MACROD2: variants seen among roughly 807,000 people sequenced by gnomAD.
MACROD2 encodes the protein mono-ADP ribosylhydrolase 2.
MACROD2 carries 36 observed loss-of-function variants against 70.4 expected under a neutral mutation model. The ratio of observed to expected loss-of-function variants is 0.51; its 90% CI spans 0.39 to 0.68. MACROD2 has a LOEUF of 0.68. MACROD2 is among the 30% of genes least tolerant of loss of function. The pLI, the probability that MACROD2 is intolerant of heterozygous loss-of-function variation, is 0.00. For synonymous variants in MACROD2, 172 were observed against 178.8 expected, an observed-to-expected ratio of 0.96 and a Z score of 0.30; for missense variants, 496 against 538.4, an observed-to-expected ratio of 0.92 and a Z score of 0.78.
At chr20:15,671,837 G>T (rs1476578554) in intron 8 of MACROD2, among the ~76,000 whole-genome samples, 1 of 152,212 alleles carries the variant, frequency 6.6e-6, no homozygotes, top group Non-Finnish European at 1.5e-5. Flanking sequence ...CTGAAAATTT[G>T]CAGCCACTGC....
chr20:14,389,452 C>T (rs2083504722), intron 3 of MACROD2, among the ~76,000 whole-genome samples: 1 of 138,884 alleles, frequency 7.2e-6, no homozygotes, highest in South Asian at 2.5e-4. Context: ...GACATAGGGT[C>T]TCCGTCAATT....
intron 5 of MACROD2, among the ~76,000 whole-genome samples, chr20:14,772,641 A>G (rs535992359): frequency 4.6e-5 from 7 of 152,180 alleles, no homozygotes; most frequent in African/African-American, 1.7e-4. Flanking sequence ...TGGGAGCTAC[A>G]AGATGAGATT....
intron 3 of MACROD2, among the ~76,000 whole-genome samples, chr20:14,337,838 C>G (rs531768186): frequency 6.6e-6 from 1 of 152,242 alleles, no homozygotes; most frequent in South Asian, 2.1e-4. Flanking sequence ...CCTTTGGAAT[C>G]TCAACATTTT....
At chr20:15,497,059 G>A (rs2327955) in intron 7 of MACROD2, among the ~76,000 whole-genome samples, 66,554 of 152,010 alleles carry the variant, frequency 0.44, 14,994 homozygotes, top group Middle Eastern at 0.5. Flanking sequence ...ACCAACAGGG[G>A]AGTCCGTCAA....
intron 3 of MACROD2, among the ~76,000 whole-genome samples, chr20:14,137,984 C>G (rs999850016): frequency 6.6e-6 from 1 of 152,124 alleles, no homozygotes; most frequent in African/African-American, 2.4e-5. Flanking sequence ...AGGACACATA[C>G]AGATGGCCAG....
intron 8 of MACROD2, among the ~76,000 whole-genome samples, chr20:15,631,547 T>G (rs1362741008): frequency 1.3e-5 from 2 of 152,272 alleles, no homozygotes; most frequent in East Asian, 3.9e-4. Context: ...AGTGAAGCAT[T>G]TGGTAGGAAC....
intron 12 of MACROD2, among the ~76,000 whole-genome samples, chr20:15,965,907 C>T (rs925891388): frequency 1.3e-5 from 2 of 152,148 alleles, no homozygotes; most frequent in Non-Finnish European, 2.9e-5. Context: ...GATAATTAAA[C>T]ATTTGCCTTG....
chr20:14,608,857 A>G (rs1982981100), intron 4 of MACROD2, among the ~76,000 whole-genome samples: 1 of 152,146 alleles, frequency 6.6e-6, no homozygotes, highest in Non-Finnish European at 1.5e-5. Context: ...CTAAGGAGGT[A>G]GGATTAGAGC....
chr20:16,024,921 T>C (rs1008306602), intron 15 of MACROD2, among the ~76,000 whole-genome samples: 4 of 152,200 alleles, frequency 2.6e-5, no homozygotes, highest in African/African-American at 9.7e-5. Context: ...AGGTTTTTAT[T>C]TGCAGACTGG....
At chr20:15,379,518 T>C (rs1379804838) in intron 6 of MACROD2, among the ~76,000 whole-genome samples, 1 of 152,030 alleles carries the variant, frequency 6.6e-6, no homozygotes, top group African/African-American at 2.4e-5. Flanking sequence ...GCTGTCCACA[T>C]TTCAGCAAAT....
chr20:15,060,403 G>A lies in MACROD2; in HGVS notation c.419-169537G>A, dbSNP rs766417158. 5.3e-5 allele frequency among the ~76,000 whole-genome samples: 8 copies of A among 152,212 alleles called. No homozygotes were observed. In the South Asian group the frequency reaches 6.2e-4, roughly 12 times the overall value. ...GCTCTTCTTTCTACCTGCTTTCCCC[G>A]TTTACCAAGCACGGCCCAAGACCCA... On this transcript the variant is annotated intron_variant, in intron 5 of 17. Coordinates refer to ENST00000684519, the MANE Select transcript of MACROD2 (RefSeq NM_001351661.2).
At chr20:15,229,618 G>C (rs1016277503) in intron 5 of MACROD2, among the ~76,000 whole-genome samples, 1 of 152,098 alleles carries the variant, frequency 6.6e-6, no homozygotes, top group Non-Finnish European at 1.5e-5. Flanking sequence ...TTCCCGCCAA[G>C]GATTTGTCTT....
chr20:15,357,510 T>A (rs1478207831), intron 6 of MACROD2, among the ~76,000 whole-genome samples: 1 of 152,098 alleles, frequency 6.6e-6, no homozygotes, highest in Non-Finnish European at 1.5e-5. Context: ...TATGAGATAT[T>A]AACAGTATTT....
intron 3 of MACROD2, among the ~76,000 whole-genome samples, chr20:14,459,904 T>C (rs1347528652): frequency 1.3e-5 from 2 of 152,012 alleles, no homozygotes; most frequent in Non-Finnish European, 2.9e-5. Context: ...GGCCCTGGTG[T>C]TTGATGTTCC....
intron 3 of MACROD2, among the ~76,000 whole-genome samples, chr20:14,225,621 A>G (rs910017716): frequency 6.6e-6 from 1 of 152,210 alleles, no homozygotes; most frequent in African/African-American, 2.4e-5. Flanking sequence ...ATGCCAATCA[A>G]GTCGCAAGTG....
chr20:15,518,087 G>T (rs573079210), intron 8 of MACROD2, among the ~76,000 whole-genome samples: 1 of 152,358 alleles, frequency 6.6e-6, no homozygotes, highest in South Asian at 2.1e-4. Flanking sequence ...ATACAATTTT[G>T]GGTGCCCAAA....
intron 8 of MACROD2, among the ~76,000 whole-genome samples, chr20:15,759,959 G>A (rs1178175211): frequency 1.3e-5 from 2 of 152,138 alleles, no homozygotes; most frequent in East Asian, 1.9e-4. Flanking sequence ...TTTTTGCCGC[G>A]TAAAGCTTCA....
At chr20:15,022,647 C>T (rs138853976) in intron 5 of MACROD2, among the ~76,000 whole-genome samples, 32 of 152,268 alleles carry the variant, frequency 2.1e-4, no homozygotes, top group African/African-American at 7.7e-4. Context: ...GACAAGATGA[C>T]CTGGTTGTCC....
chr20:14,673,096 T>C (rs183289566), intron 4 of MACROD2, among the ~76,000 whole-genome samples: 32 of 152,336 alleles, frequency 2.1e-4, no homozygotes, highest in African/African-American at 6.7e-4. Flanking sequence ...TACTTGTCAT[T>C]GAGTTCAGTT....
Sources: gnomAD v4.1 joint callset for allele counts (sites outside exome capture counted in the v4.1 genomes callset) on GRCh38, gnomAD v4.1.1 for gene constraint, MANE v1.5 for transcripts, NCBI Gene and HGNC (gene_info 2026-07-23, HGNC 2026-07-21) for gene names.